The following PIK3C2B variants were observed in gnomAD, a reference collection of about 807,000 sequenced individuals.
PIK3C2B encodes phosphatidylinositol 4-phosphate 3-kinase C2 domain-containing subunit beta.
PIK3C2B carries 83 observed loss-of-function variants against 184.3 expected under a neutral mutation model. The observed-to-expected ratio is 0.45, with a 90% CI of 0.38 to 0.54. The LOEUF (loss-of-function observed/expected upper bound fraction) is 0.54, where lower values mean the gene tolerates loss of function less well. Ranked by LOEUF, PIK3C2B falls within the 20% of genes least tolerant of loss-of-function variation. PIK3C2B has a pLI of 0.00. For missense variants in PIK3C2B, 1,736 were observed against 2,113.5 expected, an observed-to-expected ratio of 0.82 and a Z score of 3.50; for synonymous variants, 779 against 837.6, an observed-to-expected ratio of 0.93 and a Z score of 1.21.
Position 204,432,294 on chromosome 1 carries a change from A to T in PIK3C2B, c.4061T>A (p.Phe1354Tyr). 1 of 1,614,092 alleles carries T rather than the reference A, an allele frequency of 6.2e-7. No homozygotes were observed. The highest frequency in any genetic ancestry group is 8.5e-7 in the Non-Finnish European group (1 of 1,180,000). ...TGSDDRLTLSFASRTHTLKSS... is the reference protein window; with the variant it reads ...TGSDDRLTLSYASRTHTLKSS... ...CTTGAGAGTGTGTGTTCGGGAGGCA[A>T]AGGAGAGGGTCAGCCGGTCATCTGA... The change falls in exon 27 of 33, where the codon TTT (phenylalanine) becomes TAT (tyrosine). Residue 1354 changes from phenylalanine (F) to tyrosine (Y), a missense_variant. This residue lies in a region of PIK3C2B where 119 missense variants were observed against 179.3 expected (regional missense o/e 0.66). Coordinates refer to ENST00000684373, the MANE Select transcript of PIK3C2B (RefSeq NM_001377334.1).
At chr1:204,440,156 T>A in intron 22 of PIK3C2B, 36 bp downstream of exon 22, 1 of 1,586,766 alleles carries the variant, frequency 6.3e-7, no homozygotes, top group African/African-American at 1.4e-5. Context: ...AGCAAAGCGG[T>A]CCCCTCCTCC....
intron 29 of PIK3C2B, 96 bp downstream of exon 29, chr1:204,429,825 G>A (rs1008932024): frequency 1.2e-6 from 1 of 800,880 alleles, no homozygotes; most frequent in Non-Finnish European, 2.2e-6. Context: ...GCCAAGTCCT[G>A]TTCCTGACTC....
intron 20 of PIK3C2B, 81 bp from the exon 21 acceptor site, chr1:204,441,644 G>A: frequency 1.2e-6 from 1 of 834,844 alleles, no homozygotes; most frequent in Non-Finnish European, 1.9e-6. Context: ...TTCAGACCAA[G>A]ATGCTGCCTC....
In PIK3C2B at chr1:204,494,797, G is replaced by C. The variant is rs997092178; in HGVS notation, c.-526C>G. 6.6e-6 allele frequency: 1 copy of C among 152,204 alleles called. No individual in the cohort carries two copies. Among genetic ancestry groups the C allele is most frequent in the African/African-American group, 2.4e-5 (1 of 41,450 alleles). The allele number at this position is 152,204 out of a possible 1,614,324, so 9.4% of individuals were successfully genotyped here. ...CCCGGCCGCCGGCTCCAGCCGCAGC[G>C]CCGAATCCGCCGCGAGCCGGAGGGC... On this transcript the variant is annotated 5_prime_UTR_variant, in exon 1 of 33. Transcript: ENST00000684373.
intron 14 of PIK3C2B, among the ~76,000 whole-genome samples, chr1:204,448,024 A>G (rs1295419847): frequency 6.6e-6 from 1 of 152,214 alleles, no homozygotes; most frequent in Admixed American, 6.5e-5. Flanking sequence ...ATGCCACCAG[A>G]TGTTCATCCT....
chr1:204,444,243 T>G, intron 17 of PIK3C2B, 81 bp from the exon 18 acceptor site: 1 of 1,429,372 alleles, frequency 7.0e-7, no homozygotes, highest in Non-Finnish European at 9.9e-7. Flanking sequence ...TGCACTGGGA[T>G]CTCTGGTTTC....
Position 204,457,020 on chromosome 1 carries a change from G to A in PIK3C2B, c.1747+17C>T, listed in dbSNP as rs371067069. 5.2e-4 allele frequency: 813 copies of A among 1,563,310 alleles called. 3 individuals carry two copies. The highest frequency in any genetic ancestry group is 5.6e-4 in the Non-Finnish European group (644 of 1,152,342). On this transcript the variant is annotated intron_variant, in intron 10 of 32. Transcript: ENST00000684373. ...TCGGCAGCCCGACTGGATGAAGATG[G>A]AGAGCAGTTCCCTTACCTCGGTTTT...
At chr1:204,465,114 C>T in intron 3 of PIK3C2B, 105 bp downstream of exon 3, 1 of 734,354 alleles carries the variant, frequency 1.4e-6, no homozygotes, top group Non-Finnish European at 2.5e-6. Flanking sequence ...CTGAGATTTA[C>T]TTATTATGGT....
At chr1:204,438,249 C>T (rs1414051506) in intron 23 of PIK3C2B, among the ~76,000 whole-genome samples, 1 of 152,196 alleles carries the variant, frequency 6.6e-6, no homozygotes, top group East Asian at 1.9e-4. Flanking sequence ...TTTGTTCCTT[C>T]CCAGTGTCCC....
At chr1:204,490,619 T>C (rs1439423751) in intron 1 of PIK3C2B, among the ~76,000 whole-genome samples, 1 of 152,054 alleles carries the variant, frequency 6.6e-6, no homozygotes, top group Non-Finnish European at 1.5e-5. Context: ...ATACTCTATG[T>C]GATCTTACAA....
chr1:204,431,829 G>A (rs767719731), intron 27 of PIK3C2B, 36 bp from the exon 28 acceptor site: 3 of 1,613,898 alleles, frequency 1.9e-6, no homozygotes, highest in Non-Finnish European at 2.5e-6. Context: ...TACCTGCCGA[G>A]CCCTCTGCAC....
chr1:204,479,813 G>A (rs932967760), intron 1 of PIK3C2B, among the ~76,000 whole-genome samples: 1 of 152,238 alleles, frequency 6.6e-6, no homozygotes, highest in African/African-American at 2.4e-5. Context: ...ATTCATTCCT[G>A]TGTGGGTGGG....
Position 204,487,128 on chromosome 1 carries a change from C to T in PIK3C2B, c.-85+7228G>A, listed in dbSNP as rs568030705. Among the ~76,000 whole-genome samples the T allele has an allele frequency of 3.9e-5, 6 of 151,988 alleles. 1 individual carries two copies. The highest frequency in any genetic ancestry group is 3.9e-4 in the East Asian group (2 of 5,164). ...CCTCTATGTTTGTTTTTTAAAGAGA[C>T]AGGGTTTCACTCTGTTGCCCAGGCT... On this transcript the variant is annotated intron_variant, in intron 1 of 32. Coordinates refer to ENST00000684373, the MANE Select transcript of PIK3C2B (RefSeq NM_001377334.1).
chr1:204,465,453 A>C, intron 2 of PIK3C2B, 134 bp from the exon 3 acceptor site: 1 of 647,364 alleles, frequency 1.5e-6, no homozygotes, highest in Non-Finnish European at 2.8e-6. Context: ...AAGGGGCACA[A>C]GAACATATGG....
rs1572419215 is a variant in PIK3C2B, at chr1:204,494,603, G to C, written c.-332C>G. 1.3e-5 allele frequency: 2 copies of C among 152,870 alleles called. No individual in the cohort carries two copies. Among genetic ancestry groups the C allele is most frequent in the East Asian group, 3.9e-4 (2 of 5,192 alleles). 9.5% of individuals were successfully genotyped at this position (152,870 alleles called of 1,614,324 possible). Reference sequence around the variant, plus strand: ...GGCGCAAGGACCAGCTTGTGGGGGTGGGGAGGGGTGCTCTCCGCCGAGAGC... The same window carrying C: ...GGCGCAAGGACCAGCTTGTGGGGGTCGGGAGGGGTGCTCTCCGCCGAGAGC... On this transcript the variant is annotated 5_prime_UTR_variant, in exon 1 of 33. Transcript: ENST00000684373.
chr1:204,473,387 G>C (rs757886236), intron 1 of PIK3C2B, among the ~76,000 whole-genome samples: 9 of 152,236 alleles, frequency 5.9e-5, no homozygotes, highest in Non-Finnish European at 1.0e-4. Context: ...GCTCCTTACA[G>C]ATCACTTTTT....
At position 204,436,616 on chromosome 1, in the gene PIK3C2B, G is replaced by A. The variant is rs186123360; in HGVS notation, c.3517-2008C>T. Reference sequence around the variant, plus strand: ...GACTGAGATTAAACATGAACATGCAGAGTTAGTTTCTCTCTGTGTGTATTC... The same window carrying A: ...GACTGAGATTAAACATGAACATGCAAAGTTAGTTTCTCTCTGTGTGTATTC... On this transcript the variant is annotated intron_variant, in intron 23 of 32. Coordinates refer to ENST00000684373, the MANE Select transcript of PIK3C2B (RefSeq NM_001377334.1). Among the ~76,000 whole-genome samples, 853 of 152,320 alleles carry A rather than the reference G, an allele frequency of 5.6e-3. 3 individuals carry two copies. Among genetic ancestry groups the A allele is most frequent in the Middle Eastern group, 0.014 (4 of 294 alleles).
Position 204,424,348 on chromosome 1 carries a change from A to G in PIK3C2B, c.*504T>C, listed in dbSNP as rs1674633593. 1 of 204,072 alleles carries G rather than the reference A, an allele frequency of 4.9e-6. No individual in the cohort carries two copies. Among genetic ancestry groups the G allele is most frequent in the African/African-American group, 2.4e-5 (1 of 42,360 alleles). 12.6% of individuals were successfully genotyped at this position (204,072 alleles called of 1,614,324 possible). A position where few individuals can be genotyped will look rare whatever the true frequency, so the allele number is the denominator to read the frequency against. The stretch of plus-strand genomic sequence containing the variant: ...AACAACAACAATAACAAAAAAAAAA[A>G]ACCTAGGGAAAAGTCCAATAAGAAC... On this transcript the variant is annotated 3_prime_UTR_variant, in exon 33 of 33. Transcript: ENST00000684373.
At chr1:204,474,533 T>C (rs1656565644) in intron 1 of PIK3C2B, among the ~76,000 whole-genome samples, 1 of 152,204 alleles carries the variant, frequency 6.6e-6, no homozygotes, top group Non-Finnish European at 1.5e-5. Context: ...AACCATTCCC[T>C]TCTTCCTTAA....
Sources: allele counts gnomAD v4.1 joint callset (sites outside exome capture counted in the v4.1 genomes callset), GRCh38; gene constraint gnomAD v4.1.1; regional missense constraint gnomAD v4.1.1; transcripts MANE v1.5; gene names NCBI Gene and HGNC (gene_info 2026-07-23, HGNC 2026-07-21).